Variants in SYNE1 observed in about 807,000 individuals in gnomAD.
SYNE1 encodes the protein spectrin repeat containing nuclear envelope protein 1, also known as nesprin-1.
In SYNE1, 616 loss-of-function variants were observed where a neutral mutation model predicts 1,111.0. The observed-to-expected ratio is 0.55, with a 90% CI of 0.52 to 0.59. SYNE1 has a LOEUF of 0.59. SYNE1 is among the 20% of genes least tolerant of loss of function. SYNE1 has a pLI of 0.00. For synonymous variants in SYNE1, 3,855 were observed against 3,825.8 expected (o/e 1.01, Z -0.28); for missense variants, 10,006 against 10,417.0 (o/e 0.96, Z 1.72).
intron 104 of SYNE1, among the ~76,000 whole-genome samples, chr6:152,250,108 A>T (rs1042215074): frequency 9.3e-5 from 14 of 149,814 alleles, no homozygotes; most frequent in Admixed American, 3.3e-4. Context: ...CAAAAAGTTT[A>T]AAAAAAAAAT....
intron 56 of SYNE1, among the ~76,000 whole-genome samples, chr6:152,380,360 C>T (rs184530096): frequency 1.3e-4 from 19 of 151,754 alleles, no homozygotes; most frequent in Admixed American, 4.6e-4. Context: ...GTGAAAGAAA[C>T]GAAGAAGAGG....
chr6:152,615,786 C>T (rs1244266094), intron 3 of SYNE1, among the ~76,000 whole-genome samples: 3 of 152,134 alleles, frequency 2.0e-5, no homozygotes, highest in East Asian at 1.9e-4. Flanking sequence ...GACTCTTACT[C>T]AAGAGTTTGG....
In SYNE1 at chr6:152,463,420, C is replaced by T. The variant is rs767684007; in HGVS notation, c.2030G>A (p.Arg677His). The T allele has an allele frequency of 3.9e-5, 63 of 1,613,648 alleles. No individual in the cohort carries two copies. The highest frequency in any genetic ancestry group is 5.0e-5 in the Non-Finnish European group (59 of 1,179,816). Reference protein sequence around the residue: ...LIETCDEMVSRDLKQQLLLLN... With the variant: ...LIETCDEMVSHDLKQQLLLLN... ...CAACAGTAATTGCTGCTTCAGGTCACGGGAAACCATCTCATCACAGGTTTC... is the reference window on the plus strand; with the variant it reads ...CAACAGTAATTGCTGCTTCAGGTCATGGGAAACCATCTCATCACAGGTTTC... The change falls in exon 19 of 146, where the codon CGT becomes CAT. Residue 677 changes from arginine to histidine, a missense_variant. Physicochemically the swap from Arg to His is conservative, Grantham distance 29. This residue lies in a region of SYNE1 where 1,971 missense variants were observed against 2,084.1 expected (regional missense o/e 0.95). Transcript: ENST00000367255.
chr6:152,597,358 G>A (rs1484513781), intron 3 of SYNE1, among the ~76,000 whole-genome samples: 1 of 152,184 alleles, frequency 6.6e-6, no homozygotes, highest in Non-Finnish European at 1.5e-5. Flanking sequence ...GCTCACTGCA[G>A]CCTCGACCTT....
At chr6:152,583,726 G>A (rs1683881093) in intron 3 of SYNE1, among the ~76,000 whole-genome samples, 1 of 152,132 alleles carries the variant, frequency 6.6e-6, no homozygotes, top group Non-Finnish European at 1.5e-5. Context: ...GTTCATTTCT[G>A]CTGTAAAAGG....
chr6:152,228,300 C>T (rs761838567), intron 115 of SYNE1, among the ~76,000 whole-genome samples: 41 of 152,234 alleles, frequency 2.7e-4, no homozygotes, highest in South Asian at 8.3e-4. Context: ...AATCATGAAC[C>T]GGCATCAGTA....
chr6:152,377,868 C>T (rs181042546), intron 56 of SYNE1, among the ~76,000 whole-genome samples: 5 of 151,516 alleles, frequency 3.3e-5, no homozygotes, highest in African/African-American at 4.9e-5. Context: ...GGACCCAAGT[C>T]CCCCCACGAA....
At chr6:152,523,892 A>G (rs928332279) in intron 5 of SYNE1, among the ~76,000 whole-genome samples, 1 of 152,150 alleles carries the variant, frequency 6.6e-6, no homozygotes, top group African/African-American at 2.4e-5. Context: ...ACTTGTGCAC[A>G]TTGATTTTGT....
At chr6:152,360,910 A>G (rs142023960) in intron 64 of SYNE1, among the ~76,000 whole-genome samples, 306 of 152,294 alleles carry the variant, frequency 2.0e-3, no homozygotes, top group African/African-American at 7.0e-3. Flanking sequence ...CAGAGAGCCA[A>G]GTGTTGAGGA....
chr6:152,440,567 A>ATTTTT lies in SYNE1; in HGVS notation c.4149+558_4149+562dup, dbSNP rs10700163. ...AGTTAAAAAATATTATTGCCTCCAGATTTTTTTTTTTTTTTTTTTGAGATG... is the reference window on the plus strand; with the variant it reads ...AGTTAAAAAATATTATTGCCTCCAGATTTTTTTTTTTTTTTTTTTTTTTTGAGATG... On this transcript the variant is annotated intron_variant, in intron 32 of 145. Coordinates refer to ENST00000367255, the MANE Select transcript of SYNE1 (RefSeq NM_182961.4). 6.5e-3 allele frequency among the ~76,000 whole-genome samples: 799 copies of ATTTTT among 122,676 alleles called. 58 individuals carry two copies. Among genetic ancestry groups the ATTTTT allele is most frequent in the African/African-American group, 0.024 (721 of 30,462 alleles). 80.5% of individuals were successfully genotyped at this position (122,676 alleles called of 152,430 possible).
intron 87 of SYNE1, among the ~76,000 whole-genome samples, chr6:152,315,045 T>C (rs2095670604): frequency 6.6e-6 from 1 of 150,476 alleles, no homozygotes; most frequent in Non-Finnish European, 1.5e-5. Context: ...TATTTTATTA[T>C]ATGCAAATAT....
Position 152,308,669 on chromosome 6 carries a change from T to C in SYNE1, c.17203-37A>G, listed in dbSNP as rs558280912. ...AAAAAAAACAGAAAGATAGACAGTT[T>C]TTTTTCTCTACCAATAACTAGGTAA... On this transcript the variant is annotated intron_variant, in intron 90 of 145. Coordinates refer to ENST00000367255, the MANE Select transcript of SYNE1 (RefSeq NM_182961.4). 1.4e-5 allele frequency: 22 copies of C among 1,588,670 alleles called. No homozygotes were observed. The East Asian group carries it at 4.5e-4, about 32-fold the overall frequency.
At chr6:152,251,142 G>T (rs1468890091) in intron 104 of SYNE1, among the ~76,000 whole-genome samples, 1 of 151,918 alleles carries the variant, frequency 6.6e-6, no homozygotes, top group East Asian at 2.0e-4. Flanking sequence ...GTAGAGACGG[G>T]GTTTCACCAT....
In SYNE1 at chr6:152,369,082, G is replaced by A. The variant is rs146443878; in HGVS notation, c.9697C>T (p.Leu3233=). 19 of 1,613,928 alleles carry A rather than the reference G, an allele frequency of 1.2e-5. No homozygotes were observed. In the African/African-American group the frequency reaches 2.3e-4, roughly 19 times the overall value. Residue 3233 remains leucine, a synonymous_variant, in exon 61 of 146, where the codon CTG becomes TTG. Transcript: ENST00000367255. Reference sequence around the variant, plus strand: ...CACAGCTGCTGAGCTTTCTCTTTCAGCCTGTTGAGCTGAGGCTCGTAGCAG... The same window carrying A: ...CACAGCTGCTGAGCTTTCTCTTTCAACCTGTTGAGCTGAGGCTCGTAGCAG... ...IHCYEPQLNR[L]KEKAQQLWEG...
chr6:152,139,925 C>G (rs374681689), intron 140 of SYNE1, 25 bp downstream of exon 140: 1 of 1,609,248 alleles, frequency 6.2e-7, no homozygotes, highest in South Asian at 1.1e-5. Context: ...GTTTGTCCGC[C>G]GTGGGAAAGG....
intron 66 of SYNE1, 48 bp from the exon 67 acceptor site, chr6:152,355,024 T>G (rs1356126929): frequency 6.2e-7 from 1 of 1,604,070 alleles, no homozygotes; most frequent in African/African-American, 1.3e-5. Flanking sequence ...ATTTCACACT[T>G]GCATGGGTTA....
At chr6:152,482,476 A>T (rs2098911718) in intron 14 of SYNE1, among the ~76,000 whole-genome samples, 1 of 152,236 alleles carries the variant, frequency 6.6e-6, no homozygotes, top group Non-Finnish European at 1.5e-5. Context: ...ATTGCATAAA[A>T]TGCAAGATTG....
At chr6:152,325,034 A>G in intron 81 of SYNE1, 50 bp downstream of exon 81, 1 of 1,600,162 alleles carries the variant, frequency 6.2e-7, no homozygotes, top group Non-Finnish European at 8.6e-7. Context: ...TTCAAAATAC[A>G]TTATAATTAG....
intron 80 of SYNE1, 102 bp downstream of exon 80, chr6:152,325,856 T>C (rs533982297): frequency 3.9e-5 from 52 of 1,323,662 alleles, no homozygotes; most frequent in Non-Finnish European, 4.9e-5. Flanking sequence ...CCTTATCACA[T>C]TGAAAAAAGT....
Sources: allele counts gnomAD v4.1 joint callset (sites outside exome capture counted in the v4.1 genomes callset), GRCh38; gene constraint gnomAD v4.1.1; regional missense constraint gnomAD v4.1.1; transcripts MANE v1.5; gene names NCBI Gene and HGNC (gene_info 2026-07-23, HGNC 2026-07-21).